Variants in ERG observed in about 807,000 individuals in gnomAD.
The protein encoded by ERG is transcriptional regulator ERG.
ERG carries 9 observed loss-of-function variants against 55.3 expected under a neutral mutation model. The ratio of observed to expected loss-of-function variants is 0.16; its 90% CI spans 0.10 to 0.28. The LOEUF (loss-of-function observed/expected upper bound fraction) is 0.28. Ranked by LOEUF, ERG falls within the 10% of genes least tolerant of loss-of-function variation. The pLI, the probability that ERG is intolerant of heterozygous loss-of-function variation, is 1.00. For missense variants in ERG, 434 were observed against 631.6 expected, an observed-to-expected ratio of 0.69 and a Z score of 3.35; for synonymous variants, 223 against 237.3, an observed-to-expected ratio of 0.94 and a Z score of 0.55.
At chr21:38,506,140 G>A (rs935646260) in intron 2 of ERG, among the ~76,000 whole-genome samples, 1 of 152,062 alleles carries the variant, frequency 6.6e-6, no homozygotes, top group Non-Finnish European at 1.5e-5. Context: ...ATCTGGGGGG[G>A]TGAGATTTGT....
intron 1 of ERG, among the ~76,000 whole-genome samples, chr21:38,484,241 ATG>A (rs1291733049): frequency 6.6e-5 from 10 of 152,262 alleles, no homozygotes; most frequent in Admixed American, 2.6e-4. Flanking sequence ...CTGCAATTAC[ATG>A]TGTGAGCCAC....
intron 1 of ERG, among the ~76,000 whole-genome samples, chr21:38,468,760 C>T (rs545932669): frequency 9.9e-5 from 15 of 152,014 alleles, no homozygotes; most frequent in South Asian, 2.1e-4. Flanking sequence ...CCGAGGCAGG[C>T]GGATCACGAG....
chr21:38,438,066 T>C (rs1402262868), intron 2 of ERG, among the ~76,000 whole-genome samples: 2 of 152,226 alleles, frequency 1.3e-5, no homozygotes, highest in African/African-American at 4.8e-5. Flanking sequence ...GGCCTGCTTG[T>C]TGTCCTCGAA....
rs967233991 is a variant in ERG, at chr21:38,380,121, C to G, written c.*3282G>C. 4.9e-6 allele frequency: 5 copies of G among 1,030,512 alleles called. No individual in the cohort carries two copies. In the East Asian group the frequency reaches 1.8e-4, roughly 38 times the overall value. The allele number at this position is 1,030,512 out of a possible 1,614,324, so 63.8% of individuals were successfully genotyped here. Reference sequence around the variant, plus strand: ...ATGAATTAATGAGAAGCTAAATAAACTAGCTTTTTAAAAAATATTTTCTTC... The same window carrying G: ...ATGAATTAATGAGAAGCTAAATAAAGTAGCTTTTTAAAAAATATTTTCTTC... On this transcript the variant is annotated 3_prime_UTR_variant, in exon 10 of 10. Transcript: ENST00000288319.
At chr21:38,600,640 G>T (rs1414794568) in intron 1 of ERG, among the ~76,000 whole-genome samples, 1 of 152,094 alleles carries the variant, frequency 6.6e-6, no homozygotes, top group African/African-American at 2.4e-5. Flanking sequence ...CAGGGACAAG[G>T]GGCTCCGTTT....
In ERG at chr21:38,383,834, C is replaced by G. The variant is rs2146412772; in HGVS notation, c.1009G>C (p.Gly337Arg). The change falls in exon 10 of 10, where the codon GGG (glycine) becomes CGG (arginine). Residue 337 changes from glycine to arginine, a missense_variant. Transcript: ENST00000288319. This position sits in a 1 kb window ranked among gnomAD's most constrained non-coding sequence, Gnocchi z 5.7. ...SSCITWEGTN[G>R]EFKMTDPDEV... The stretch of plus-strand genomic sequence containing the variant: ...TCGGGATCCGTCATCTTGAACTCCC[C>G]GTTGGTGCCTTCCCAGGTGATGCAG... 6.2e-7 allele frequency: 1 copy of G among 1,614,158 alleles called. No homozygotes were observed. Among genetic ancestry groups the G allele is most frequent in the Non-Finnish European group, 8.5e-7 (1 of 1,180,036 alleles).
At chr21:38,387,181 A>T (rs1465429844) in intron 9 of ERG, among the ~76,000 whole-genome samples, 1 of 152,224 alleles carries the variant, frequency 6.6e-6, no homozygotes, top group Non-Finnish European at 1.5e-5. Context: ...AAAGCCCTGC[A>T]GCCGTCAGCT....
chr21:38,368,051 A>C, the ERG span, among the ~76,000 whole-genome samples: 4 of 152,332 alleles, frequency 2.6e-5, no homozygotes, highest in Admixed American at 2.0e-4. Context: ...GGGACATTGT[A>C]TATACAGAAC....
At chr21:38,423,883 G>C (rs925540346) in intron 2 of ERG, among the ~76,000 whole-genome samples, 2 of 152,166 alleles carry the variant, frequency 1.3e-5, no homozygotes, top group Non-Finnish European at 2.9e-5. Context: ...GGCTGAGGCA[G>C]GAAAATTGCT....
At chr21:38,484,662 T>C (rs2059267328) in intron 1 of ERG, among the ~76,000 whole-genome samples, 1 of 152,226 alleles carries the variant, frequency 6.6e-6, no homozygotes, top group South Asian at 2.1e-4. Flanking sequence ...AGGAATAGCA[T>C]GAGAACAAAG....
intron 1 of ERG, among the ~76,000 whole-genome samples, chr21:38,577,692 TG>T (rs1318576960): frequency 6.6e-6 from 1 of 152,172 alleles, no homozygotes; most frequent in African/African-American, 2.4e-5. Context: ...ACTCTGCTCC[TG>T]GGGTCATTCA....
At chr21:38,603,116 T>C (rs1328864683) in intron 1 of ERG, among the ~76,000 whole-genome samples, 1 of 151,944 alleles carries the variant, frequency 6.6e-6, no homozygotes, top group African/African-American at 2.4e-5. Context: ...CAGTTCCAAA[T>C]TGCTAAACTT....
rs145170314 is a variant in ERG at position 38,437,552 on chromosome 21, G to A, written c.236+7852C>T. On this transcript the variant is annotated intron_variant, in intron 2 of 9. Transcript: ENST00000288319. ...AGGCAAGAGCCTCTTGTTTTACCTG[G>A]TGTTTATTAGAGAGAAGTTCCTGTC... is the stretch of plus-strand genomic sequence containing the variant. 3.8e-3 allele frequency among the ~76,000 whole-genome samples: 579 copies of A among 152,318 alleles called. 1 individual carries two copies. The highest frequency in any genetic ancestry group is 5.2e-3 in the Non-Finnish European group (355 of 68,032).
At chr21:38,477,974 A>C (rs540618788) in intron 1 of ERG, among the ~76,000 whole-genome samples, 1 of 152,376 alleles carries the variant, frequency 6.6e-6, no homozygotes, top group African/African-American at 2.4e-5. Context: ...ATAGCTATCA[A>C]AATAGTCCAT....
intron 1 of ERG, among the ~76,000 whole-genome samples, chr21:38,465,463 T>A (rs6517468): frequency 0.33 from 50,555 of 152,042 alleles, 9,375 homozygotes; most frequent in Middle Eastern, 0.43. Flanking sequence ...TTCCGTATAA[T>A]CCTATAATGT....
chr21:38,384,138 C>T (rs987676631), intron 9 of ERG, among the ~76,000 whole-genome samples: 2 of 152,178 alleles, frequency 1.3e-5, no homozygotes, highest in African/African-American at 4.8e-5. Context: ...ACAGAGCCGC[C>T]GCCTCGCCCA....
chr21:38,482,260 C>T (rs1370992205), intron 1 of ERG, among the ~76,000 whole-genome samples: 2 of 152,160 alleles, frequency 1.3e-5, no homozygotes, highest in East Asian at 1.9e-4. Flanking sequence ...GGGTATACGA[C>T]AAGGTGCCCA....
intron 1 of ERG, among the ~76,000 whole-genome samples, chr21:38,479,291 TG>T (rs2059216182): frequency 6.6e-6 from 1 of 152,180 alleles, no homozygotes; most frequent in Non-Finnish European, 1.5e-5. Flanking sequence ...TATCAGTGAA[TG>T]GAGCCTGGCT....
rs142272971 is a variant in ERG at position 38,636,406 on chromosome 21, C to T, written c.-150+25252G>A. On this transcript the variant is annotated intron_variant, in intron 1 of 10. Coordinates refer to the ERG transcript ENST00000398910. Reference sequence around the variant, plus strand: ...GAGGAGCAGGAGGGCAAGGAGGGTCCGGCTCCCACCAAAAGAGTTCACCCT... The same window carrying T: ...GAGGAGCAGGAGGGCAAGGAGGGTCTGGCTCCCACCAAAAGAGTTCACCCT... Among the ~76,000 whole-genome samples, 477 of 152,230 alleles carry T rather than the reference C, an allele frequency of 3.1e-3. 1 individual carries two copies. Among genetic ancestry groups the T allele is most frequent in the Middle Eastern group, 0.017 (5 of 294 alleles).
Sources: gnomAD v4.1 joint callset for allele counts (sites outside exome capture counted in the v4.1 genomes callset) on GRCh38, gnomAD v4.1.1 for gene constraint, Gnocchi (gnomAD v3.1) non-coding constraint, MANE v1.5 for transcripts, NCBI Gene and HGNC (gene_info 2026-07-23, HGNC 2026-07-21) for gene names.